Variants in ELMO1 observed in about 807,000 individuals in gnomAD.
ELMO1 encodes engulfment and cell motility 1.
A neutral mutation model predicts 98.9 loss-of-function variants in ELMO1; 26 were observed. The ratio of observed to expected loss-of-function variants is 0.26; its 90% CI spans 0.19 to 0.36. The LOEUF (loss-of-function observed/expected upper bound fraction) is 0.36. Ranked by LOEUF, ELMO1 falls within the 10% of genes least tolerant of loss-of-function variation. The probability of loss-of-function intolerance (pLI) is 1.00; values close to 1 mark genes in which losing one functional copy is unlikely to be tolerated. For synonymous variants in ELMO1, 346 were observed against 346.0 expected (o/e 1.00, Z 0.00); for missense variants, 627 against 935.2 (o/e 0.67, Z 4.30).
intron 16 of ELMO1, among the ~76,000 whole-genome samples, chr7:36,950,713 G>A (rs543086856): frequency 3.0e-4 from 46 of 152,334 alleles, no homozygotes; most frequent in African/African-American, 1.1e-3. Context: ...TTGCGCTAGA[G>A]GGACAGAGCC....
intron 15 of ELMO1, among the ~76,000 whole-genome samples, chr7:37,074,878 A>T (rs1797479898): frequency 6.6e-6 from 1 of 152,216 alleles, no homozygotes; most frequent in Admixed American, 6.5e-5. Flanking sequence ...AACAGGCAGA[A>T]GCCAGATTAC....
intron 1 of ELMO1, among the ~76,000 whole-genome samples, chr7:37,419,446 T>C (rs999732668): frequency 6.6e-6 from 1 of 152,206 alleles, no homozygotes; most frequent in Non-Finnish European, 1.5e-5. Context: ...ATTTTTTTCT[T>C]TGTTGTCCTC....
intron 16 of ELMO1, among the ~76,000 whole-genome samples, chr7:36,969,844 T>A (rs1008470185): frequency 2.6e-5 from 4 of 152,150 alleles, no homozygotes; most frequent in African/African-American, 9.7e-5. Flanking sequence ...ATAATTAAAG[T>A]CAAGAGTAAA....
chr7:37,192,968 G>GATATAT (rs1791712338), intron 13 of ELMO1, among the ~76,000 whole-genome samples: 1 of 94,228 alleles, frequency 1.1e-5, no homozygotes, highest in Non-Finnish European at 2.0e-5. Flanking sequence ...ATATATATAG[G>GATATAT]AGATATATAT....
intron 15 of ELMO1, among the ~76,000 whole-genome samples, chr7:37,049,172 T>C (rs1198811011): frequency 2.6e-5 from 4 of 152,172 alleles, no homozygotes; most frequent in Non-Finnish European, 5.9e-5. Context: ...AAGCACCTAA[T>C]GTACCACCTT....
intron 15 of ELMO1, among the ~76,000 whole-genome samples, chr7:37,083,965 C>T (rs1321848616): frequency 6.6e-6 from 1 of 152,040 alleles, no homozygotes; most frequent in African/African-American, 2.4e-5. Flanking sequence ...TCCCATAGAG[C>T]GGGAGTGGGT....
chr7:36,866,148 C>A (rs1298081555), intron 20 of ELMO1, among the ~76,000 whole-genome samples: 1 of 152,192 alleles, frequency 6.6e-6, no homozygotes, highest in African/African-American at 2.4e-5. Flanking sequence ...GTGAGACAAG[C>A]ACCAAGAATG....
chr7:36,896,424 A>G (rs1482051667), intron 16 of ELMO1, among the ~76,000 whole-genome samples: 2 of 152,248 alleles, frequency 1.3e-5, no homozygotes, highest in East Asian at 3.8e-4. Context: ...AAGGATCATT[A>G]TAATAGAAGT....
At chr7:37,108,740 G>T (rs901995434) in intron 14 of ELMO1, among the ~76,000 whole-genome samples, 1 of 152,306 alleles carries the variant, frequency 6.6e-6, no homozygotes. Context: ...CAGCAGAGTT[G>T]CACATACAGT....
Position 36,894,985 on chromosome 7 carries a change from T to C in ELMO1, c.1470A>G (p.Arg490=). Reference sequence around the variant, plus strand: ...GGGAGCTAGGCTTGGTTGTAAGTGCTCTCATAACCTGCTCCTTCACCACCT... The same window carrying C: ...GGGAGCTAGGCTTGGTTGTAAGTGCCCTCATAACCTGCTCCTTCACCACCT... ...VMQVVKEQVM[R]ALTTKPSSLD... The change falls in exon 17 of 22, where the codon AGA becomes AGG. Residue 490 remains arginine, a synonymous_variant. Transcript: ENST00000310758. The C allele has an allele frequency of 6.2e-7, 1 of 1,613,936 alleles. No individual in the cohort carries two copies. Among genetic ancestry groups the C allele is most frequent in the African/African-American group, 1.3e-5 (1 of 75,038 alleles).
intron 16 of ELMO1, among the ~76,000 whole-genome samples, chr7:36,895,991 A>AATCAT (rs2129055866): frequency 6.6e-6 from 1 of 152,342 alleles, no homozygotes; most frequent in Admixed American, 6.5e-5. Flanking sequence ...GAAACTTCAA[A>AATCAT]ATCATACCAT....
chr7:37,438,597 C>A (rs1476994045), intron 1 of ELMO1, among the ~76,000 whole-genome samples: 1 of 28,096 alleles, frequency 3.6e-5, no homozygotes. Context: ...GAGACTCTGT[C>A]TCAAAAAAAA....
intron 15 of ELMO1, chr7:37,033,485 T>G: frequency 7.2e-6 from 3 of 416,536 alleles, no homozygotes; most frequent in Non-Finnish European, 4.6e-6. Context: ...GGCCATGTGT[T>G]TAGTGTTAAA....
At chr7:37,199,849 C>T (rs905489128) in intron 13 of ELMO1, among the ~76,000 whole-genome samples, 2 of 152,148 alleles carry the variant, frequency 1.3e-5, no homozygotes, top group African/African-American at 4.8e-5. Flanking sequence ...TTCTTGATCT[C>T]TCTGCACCCC....
chr7:36,960,962 C>T (rs1004998692), intron 16 of ELMO1, among the ~76,000 whole-genome samples: 10 of 152,090 alleles, frequency 6.6e-5, no homozygotes, highest in South Asian at 2.1e-4. Context: ...TGTCTCTGTA[C>T]GGGGGAGCTA....
intron 16 of ELMO1, chr7:36,997,671 G>C (rs1409394870): frequency 6.6e-6 from 1 of 152,244 alleles, no homozygotes; most frequent in African/African-American, 2.4e-5. Flanking sequence ...ATCCACAGGG[G>C]TGGAGCTCAG....
intron 14 of ELMO1, among the ~76,000 whole-genome samples, chr7:37,097,217 C>G (rs66569534): frequency 0.23 from 34,607 of 152,100 alleles, 6,429 homozygotes; most frequent in African/African-American, 0.52. Context: ...GGACCAATCA[C>G]AGTCCTTCCC....
intron 15 of ELMO1, among the ~76,000 whole-genome samples, chr7:37,025,164 T>C (rs1294178476): frequency 6.6e-6 from 1 of 152,224 alleles, no homozygotes; most frequent in Non-Finnish European, 1.5e-5. Flanking sequence ...AATCATTTAC[T>C]GGAGCTGCTT....
chr7:37,307,944 C>T (rs1798698941), intron 4 of ELMO1, among the ~76,000 whole-genome samples: 1 of 152,074 alleles, frequency 6.6e-6, no homozygotes, highest in Admixed American at 6.5e-5. Flanking sequence ...GAAACCCCAT[C>T]TCTACTAAAA....
Sources: gnomAD v4.1 joint callset for allele counts (sites outside exome capture counted in the v4.1 genomes callset) on GRCh38, gnomAD v4.1.1 for gene constraint, MANE v1.5 for transcripts, NCBI Gene and HGNC (gene_info 2026-07-23, HGNC 2026-07-21) for gene names.